Variants in FBXL3 observed in about 807,000 individuals in gnomAD.
The protein encoded by FBXL3 is F-box and leucine rich repeat protein 3, also known as F-box/LRR-repeat protein 3.
In FBXL3, 14 loss-of-function variants were observed where a neutral mutation model predicts 37.9. The ratio of observed to expected loss-of-function variants is 0.37; its 90% CI spans 0.24 to 0.58. FBXL3 has a LOEUF of 0.58. Among genes scored for constraint, FBXL3 ranks in the 20% least tolerant of loss-of-function variants. FBXL3 has a pLI of 0.74. For synonymous variants in FBXL3, 194 were observed against 180.1 expected, an observed-to-expected ratio of 1.08 and a Z score of -0.62; for missense variants, 327 against 511.1, an observed-to-expected ratio of 0.64 and a Z score of 3.47.
In FBXL3 at chr13:77,008,524, T is replaced by C. The variant is rs951548350; in HGVS notation, c.644-736A>G. ...ACTATCATCCTAGCAACAGATGACA[T>C]TGCAAAGGTCAATGTTTGATCTCTC... On this transcript the variant is annotated intron_variant, in intron 4 of 4. Coordinates refer to ENST00000355619, the MANE Select transcript of FBXL3 (RefSeq NM_012158.4). 3 of 152,230 alleles carry C rather than the reference T, an allele frequency of 2.0e-5. 1 individual carries two copies. Among genetic ancestry groups the C allele is most frequent in the East Asian group, 3.9e-4 (2 of 5,194 alleles). The allele number at this position is 152,230 out of a possible 1,614,324, so 9.4% of individuals were successfully genotyped here.
At chr13:77,018,910 TCCAC>T (rs749992108) in intron 2 of FBXL3, 188 bp from the exon 3 acceptor site, 336 of 465,858 alleles carry the variant, frequency 7.2e-4, no homozygotes, top group Non-Finnish European at 1.0e-3. Flanking sequence ...TCATCCACCC[TCCAC>T]CCTCACCTCC....
chr13:77,026,086 T>A (rs1047015994), intron 1 of FBXL3: 2 of 740,270 alleles, frequency 2.7e-6, no homozygotes, highest in African/African-American at 3.8e-5. Flanking sequence ...TTTTTCAAGT[T>A]AGAAAAGGAG....
intron 2 of FBXL3, among the ~76,000 whole-genome samples, chr13:77,019,612 C>T (rs1338311839): frequency 1.3e-5 from 2 of 152,156 alleles, no homozygotes; most frequent in African/African-American, 4.8e-5. Context: ...TCATACCCAA[C>T]CCAGACCATC....
chr13:77,011,517 T>A (rs1422465940), intron 4 of FBXL3, among the ~76,000 whole-genome samples: 2 of 151,500 alleles, frequency 1.3e-5, no homozygotes, highest in South Asian at 4.2e-4. Flanking sequence ...AGCCCATGAG[T>A]TCGAGACTAG....
chr13:77,016,553 T>C (rs577391581), intron 3 of FBXL3: 1 of 152,276 alleles, frequency 6.6e-6, no homozygotes, highest in Non-Finnish European at 1.5e-5. Context: ...TTTTTTTTTT[T>C]TGAGACAGAG....
At chr13:77,026,426 G>T in intron 1 of FBXL3, 1 of 955,348 alleles carries the variant, frequency 1.0e-6, no homozygotes, top group Non-Finnish European at 1.2e-6. Context: ...CATTGCTCAA[G>T]CTACCAGCAC....
intron 2 of FBXL3, chr13:77,018,980 G>C: frequency 3.4e-6 from 1 of 295,474 alleles, no homozygotes; most frequent in Non-Finnish European, 6.2e-6. Flanking sequence ...GTCAAGACAA[G>C]ACCTAGCTTT....
chr13:77,018,063 T>C (rs2034675972), intron 3 of FBXL3: 1 of 152,156 alleles, frequency 6.6e-6, no homozygotes, highest in African/African-American at 2.4e-5. Flanking sequence ...TCTGATTATA[T>C]GCAGGATCAT....
At position 77,006,896 on chromosome 13, in the gene FBXL3, G is replaced by A. The variant is rs2034460811; in HGVS notation, c.*249C>T. 7.6e-7 allele frequency: 1 copy of A among 1,315,604 alleles called. No individual in the cohort carries two copies. The highest frequency in any genetic ancestry group is 2.0e-5 in the South Asian group (1 of 49,024). 81.5% of individuals were successfully genotyped at this position (1,315,604 alleles called of 1,614,324 possible). On this transcript the variant is annotated 3_prime_UTR_variant, in exon 5 of 5. Coordinates refer to ENST00000355619, the MANE Select transcript of FBXL3 (RefSeq NM_012158.4). ...TGTAAACTGTTTAATACGTATAACTGGTTATTTCACATCCGAACCACATTA... is the reference window on the plus strand; with the variant it reads ...TGTAAACTGTTTAATACGTATAACTAGTTATTTCACATCCGAACCACATTA...
chr13:77,026,228 C>CCCCA (rs2034835779), intron 1 of FBXL3: 5 of 985,300 alleles, frequency 5.1e-6, no homozygotes, highest in Non-Finnish European at 6.0e-6. Context: ...CTGTCTGCAA[C>CCCCA]CCCACCTAAA....
chr13:77,023,319 T>C (rs1417503587), intron 1 of FBXL3, among the ~76,000 whole-genome samples: 1 of 150,020 alleles, frequency 6.7e-6, no homozygotes, highest in African/African-American at 2.5e-5. Flanking sequence ...CCGACTCTAT[T>C]TTTGCTTTAA....
chr13:77,017,885 A>G (rs2034672572), intron 3 of FBXL3: 1 of 152,002 alleles, frequency 6.6e-6, no homozygotes, highest in Non-Finnish European at 1.5e-5. Context: ...GGGTGTCTAT[A>G]TTTTAGTTTT....
In FBXL3 at chr13:77,015,548, G is replaced by A. The variant is rs754199397; in HGVS notation, c.504C>T (p.Phe168=). Residue 168 remains phenylalanine, a synonymous_variant, in exon 4 of 5, where the codon TTC becomes TTT. Transcript: ENST00000355619. Reference sequence around the variant, plus strand: ...GCGAAGACAGGGATTTGGAGTTTACGAACACAACTGTCAGTGCAGAGATAA... The same window carrying A: ...GCGAAGACAGGGATTTGGAGTTTACAAACACAACTGTCAGTGCAGAGATAA... ...SHFISALTVV[F]VNSKSLSSLK... 34 of 1,596,428 alleles carry A rather than the reference G, an allele frequency of 2.1e-5. No individual in the cohort carries two copies. Among genetic ancestry groups the A allele is most frequent in the African/African-American group, 2.7e-5 (2 of 74,000 alleles).
In FBXL3 at chr13:77,018,681, T is replaced by G. The variant is rs142890506; in HGVS notation, c.390A>C (p.Ile130=). The G allele has an allele frequency of 9.7e-5, 155 of 1,593,944 alleles. No individual in the cohort carries two copies. The African/African-American group carries it at 1.9e-3, about 19-fold the overall frequency. ...SKESAEAACD[I]LSQLVNCSLK... ...AAGAGCAATTCACAAGTTGCGATAG[T>G]ATATCACAAGCTGCTTCAGCTGATT... Residue 130 remains isoleucine (I), a synonymous_variant, in exon 3 of 5, where the codon ATA becomes ATC. Coordinates refer to ENST00000355619, the MANE Select transcript of FBXL3 (RefSeq NM_012158.4).
Position 77,007,468 on chromosome 13 carries a change from C to A in FBXL3, c.964G>T (p.Asp322Tyr), listed in dbSNP as rs373072488. Residue 322 changes from aspartate to tyrosine, a missense_variant, in exon 5 of 5, where the codon GAT becomes TAT. Asp to Tyr is a radical substitution (Grantham distance 160). Transcript: ENST00000355619. ...GTCATTCCCACACGGCCAAGCACAT[C>A]TTTGCTTACTGATCTCCCAAAGTAC... ...HLYFGRSVSK[D>Y]VLGRVGMTCP... 6.2e-7 allele frequency: 1 copy of A among 1,614,182 alleles called. No homozygotes were observed. The highest frequency in any genetic ancestry group is 8.5e-7 in the Non-Finnish European group (1 of 1,180,040).
intron 4 of FBXL3, among the ~76,000 whole-genome samples, chr13:77,012,234 G>C (rs1012570007): frequency 6.6e-6 from 1 of 152,112 alleles, no homozygotes; most frequent in Non-Finnish European, 1.5e-5. Flanking sequence ...TTTTAAATGA[G>C]AATTGTGAAT....
chr13:77,011,801 C>T (rs1396007172), intron 4 of FBXL3, among the ~76,000 whole-genome samples: 1 of 151,898 alleles, frequency 6.6e-6, no homozygotes, highest in Non-Finnish European at 1.5e-5. Context: ...AGTTTACACC[C>T]CCTAGCATGG....
intron 2 of FBXL3, among the ~76,000 whole-genome samples, chr13:77,019,438 T>C (rs1179795474): frequency 2.0e-5 from 3 of 152,214 alleles, no homozygotes; most frequent in African/African-American, 7.2e-5. Context: ...AAGGATATTA[T>C]TAATTTCCAG....
Position 77,007,646 on chromosome 13 carries a change from C to A in FBXL3, c.786G>T (p.Glu262Asp). Reference protein sequence around the residue: ...LEHLRIDVVSENPGQTHFHTI... With the variant: ...LEHLRIDVVSDNPGQTHFHTI... ...TATGGAAGTGTGTCTGTCCAGGATT[C>A]TCACTGACTACATCAATGCGCAAAT... Residue 262 changes from glutamate (E) to aspartate (D), a missense_variant, in exon 5 of 5, where the codon GAG (glutamate) becomes GAT (aspartate). Physicochemically the swap from Glu to Asp is conservative, Grantham distance 45 (BLOSUM62 2). Transcript: ENST00000355619. The A allele has an allele frequency of 6.2e-7, 1 of 1,614,212 alleles. No individual in the cohort carries two copies. Among genetic ancestry groups the A allele is most frequent in the Non-Finnish European group, 8.5e-7 (1 of 1,180,036 alleles).
Sources: allele counts gnomAD v4.1 joint callset (sites outside exome capture counted in the v4.1 genomes callset), GRCh38; gene constraint gnomAD v4.1.1; transcripts MANE v1.5; gene names NCBI Gene and HGNC (gene_info 2026-07-23, HGNC 2026-07-21).